Variants in RAB26 observed in about 807,000 individuals in gnomAD.
The protein encoded by RAB26 is RAB26, member RAS oncogene family, also known as ras-related protein Rab-26.
In RAB26, 39 loss-of-function variants were observed where a neutral mutation model predicts 33.1. The ratio of observed to expected loss-of-function variants is 1.18; its 90% confidence interval spans 0.91 to 1.54. RAB26 has a LOEUF of 1.54. Among genes scored for constraint, RAB26 ranks in the 40% most tolerant of loss-of-function variants. RAB26 has a pLI of 0.00. For synonymous variants in RAB26, 192 were observed against 151.9 expected (o/e 1.26, Z -1.94); for missense variants, 468 against 362.9 (o/e 1.29, Z -2.35).
At position 2,148,888 on chromosome 16, in the gene RAB26, T is replaced by C. The variant is rs2092995284; in HGVS notation, c.105T>C (p.Leu35=). Residue 35 remains leucine (L), a synonymous_variant, in exon 1 of 9, where the codon CTT becomes CTC. Coordinates refer to ENST00000210187, the MANE Select transcript of RAB26 (RefSeq NM_014353.5). ...GARPARSGTA[L]SGPDAPPNGP... is the part of the protein sequence containing the mutation. ...GACCGGCGCGCTCCGGGACTGCGCT[T>C]TCCGGCCCCGACGCGCCGCCCAACG... The C allele has an allele frequency of 1.5e-6, 2 of 1,359,644 alleles. No homozygotes were observed. The highest frequency in any genetic ancestry group is 1.9e-6 in the Non-Finnish European group (2 of 1,053,254). The allele number at this position is 1,359,644 out of a possible 1,614,324, so 84.2% of individuals were successfully genotyped here.
At chr16:2,152,679 C>CTTTTT in intron 5 of RAB26, 141 bp from the exon 6 acceptor site, 1 of 645,244 alleles carries the variant, frequency 1.5e-6, no homozygotes. Context: ...GGAAACAGGG[C>CTTTTT]GAGACTCTTG....
intron 1 of RAB26, among the ~76,000 whole-genome samples, chr16:2,149,261 A>G (rs369715502): frequency 1.5e-5 from 2 of 133,372 alleles, no homozygotes; most frequent in East Asian, 4.4e-4. Flanking sequence ...GGGTCTCACC[A>G]TTTCCCGTAT....
rs565178784 is a variant in RAB26 at position 2,150,280 on chromosome 16, G to A, written c.306+229G>A. 3.9e-5 allele frequency among the ~76,000 whole-genome samples: 6 copies of A among 152,332 alleles called. No individual in the cohort carries two copies. The East Asian group carries it at 5.8e-4, about 15-fold the overall frequency. On this transcript the variant is annotated intron_variant, in intron 2 of 8. Coordinates refer to ENST00000210187, the MANE Select transcript of RAB26 (RefSeq NM_014353.5). ...CCATATCCTGTGCCTTGGGGGAGGC[G>A]GACACTGTTGCCTACAGGGTGGTGG...
At chr16:2,151,956 C>T (rs903653054) in intron 5 of RAB26, 48 bp downstream of exon 5, 11 of 1,604,206 alleles carry the variant, frequency 6.9e-6, no homozygotes, top group Non-Finnish European at 9.4e-6. Context: ...AGGGCCTGAC[C>T]CATCCCAACC....
At chr16:2,151,135 TCTCA>T (rs1434767559) in intron 2 of RAB26, 4 of 446,798 alleles carry the variant, frequency 9.0e-6, no homozygotes, top group Non-Finnish European at 1.8e-5. Context: ...TGAAGCAGGG[TCTCA>T]CTCTGTCGCC....
chr16:2,153,933 T>G lies in RAB26; in HGVS notation c.*512T>G, dbSNP rs2093016701. On this transcript the variant is annotated 3_prime_UTR_variant, in exon 9 of 9. Coordinates refer to ENST00000210187, the MANE Select transcript of RAB26 (RefSeq NM_014353.5). The stretch of plus-strand genomic sequence containing the variant: ...GGCTCTGGCTCAAACAGCAATAGGG[T>G]CTTCCTCACTGACCTTGGAGGATGC... The G allele has an allele frequency of 2.3e-6, 1 of 426,704 alleles. No homozygotes were observed. The highest frequency in any genetic ancestry group is 2.0e-5 in the African/African-American group (1 of 49,048). 26.4% of individuals were successfully genotyped at this position (426,704 alleles called of 1,614,324 possible).
chr16:2,150,403 C>G lies in RAB26; in HGVS notation c.306+352C>G, dbSNP rs140404468. 5.3e-3 allele frequency among the ~76,000 whole-genome samples: 808 copies of G among 152,304 alleles called. 5 individuals are homozygous for G. Among genetic ancestry groups the G allele is most frequent in the African/African-American group, 0.018 (759 of 41,554 alleles). ...CTAGAAGCACATGCTCCCTGCAGAG[C>G]CTGAGCGAGGGTTTCCAGGGCTTGC... On this transcript the variant is annotated intron_variant, in intron 2 of 8. Transcript: ENST00000210187.
At position 2,153,524 on chromosome 16, in the gene RAB26, C is replaced by T. The variant is rs990105157; in HGVS notation, c.*103C>T. 1.1e-5 allele frequency: 12 copies of T among 1,069,894 alleles called. No individual in the cohort carries two copies. Among genetic ancestry groups the T allele is most frequent in the Middle Eastern group, 2.0e-4 (1 of 4,924 alleles). The allele number at this position is 1,069,894 out of a possible 1,614,324, so 66.3% of individuals were successfully genotyped here. ...ACTTTGTTGCCCAGTGGCCAACGCC[C>T]GAGTGTCTGTTTTCAGGAGCCCCAG... On this transcript the variant is annotated 3_prime_UTR_variant, in exon 9 of 9. Coordinates refer to ENST00000210187, the MANE Select transcript of RAB26 (RefSeq NM_014353.5).
In RAB26 at chr16:2,152,897, G is replaced by T. The variant is rs372849854; in HGVS notation, c.534+12G>T. 3.2e-5 allele frequency: 51 copies of T among 1,601,818 alleles called. No homozygotes were observed. Among genetic ancestry groups the T allele is most frequent in the Non-Finnish European group, 4.1e-5 (48 of 1,173,720 alleles). Reference sequence around the variant, plus strand: ...TGCTGGGGAACAAGGTGGGAGGCCCGGCTGTCCTCACCTGGGCCACAGGGC... The same window carrying T: ...TGCTGGGGAACAAGGTGGGAGGCCCTGCTGTCCTCACCTGGGCCACAGGGC... On this transcript the variant is annotated intron_variant, in intron 6 of 8. Coordinates refer to ENST00000210187, the MANE Select transcript of RAB26 (RefSeq NM_014353.5).
rs1230438572 is a variant in RAB26 at position 2,152,834 on chromosome 16, G to T, written c.483G>T (p.Glu161Asp). The change falls in exon 6 of 9, where the codon GAG becomes GAT. Residue 161 changes from glutamate to aspartate, a missense_variant. Transcript: ENST00000210187. ...SFDNIQAWLT[E>D]IHEYAQHDVA... ...GCCTCCCACAGGCCTGGCTGACCGA[G>T]ATCCACGAGTACGCCCAGCACGACG... 1 of 1,607,526 alleles carries T rather than the reference G, an allele frequency of 6.2e-7. No homozygotes were observed. Among genetic ancestry groups the T allele is most frequent in the East Asian group, 2.2e-5 (1 of 44,812 alleles).
At chr16:2,149,397 C>CT (rs2092997228) in intron 1 of RAB26, among the ~76,000 whole-genome samples, 1 of 148,184 alleles carries the variant, frequency 6.7e-6, no homozygotes, top group South Asian at 2.1e-4. Flanking sequence ...GCTGTGTGGA[C>CT]TTGGCAGGGG....
intron 4 of RAB26, 47 bp downstream of exon 4, chr16:2,151,808 CT>C: frequency 6.2e-7 from 1 of 1,613,950 alleles, no homozygotes; most frequent in Non-Finnish European, 8.5e-7. Flanking sequence ...GTCTGAGCAC[CT>C]GAGGGTGCAG....
intron 5 of RAB26, among the ~76,000 whole-genome samples, chr16:2,152,185 G>A (rs1017185487): frequency 7.9e-5 from 12 of 152,314 alleles, no homozygotes; most frequent in South Asian, 4.1e-4. Flanking sequence ...CAGGCATGGC[G>A]GCTCACCTGA....
In RAB26 at chr16:2,152,837, C is replaced by G. The variant is rs61757826; in HGVS notation, c.486C>G (p.Ile162Met). ...TCCCACAGGCCTGGCTGACCGAGAT[C>G]CACGAGTACGCCCAGCACGACGTGG... ...FDNIQAWLTE[I>M]HEYAQHDVAL... The change falls in exon 6 of 9, where the codon ATC becomes ATG. Residue 162 changes from isoleucine to methionine, a missense_variant. Transcript: ENST00000210187. 63 of 1,607,650 alleles carry G rather than the reference C, an allele frequency of 3.9e-5. No homozygotes were observed. In the African/African-American group the frequency reaches 6.5e-4, roughly 17 times the overall value.
rs768224207 is a variant in RAB26, at chr16:2,153,012, G to C, written c.558G>C (p.Val186=). 1.6e-5 allele frequency: 25 copies of C among 1,599,064 alleles called. No individual in the cohort carries two copies. Among genetic ancestry groups the C allele is most frequent in the Middle Eastern group, 1.7e-4 (1 of 6,012 alleles). Residue 186 remains valine (V), a synonymous_variant, in exon 7 of 9, where the codon GTG becomes GTC. Transcript: ENST00000210187. The part of the protein sequence containing the change: ...GNKVDSAHER[V]VKREDGEKLA... ...AGGTGGACTCTGCCCATGAGCGTGT[G>C]GTGAAGAGGGAGGACGGGGAGAAGC...
rs1204603943 is a variant in RAB26 at position 2,149,808 on chromosome 16, C to T, written c.196-133C>T. 1.5e-4 allele frequency: 92 copies of T among 613,596 alleles called. 1 individual carries two copies. The East Asian group carries it at 2.9e-3, about 20-fold the overall frequency. 38.0% of individuals were successfully genotyped at this position (613,596 alleles called of 1,614,324 possible). Reference sequence around the variant, plus strand: ...GGCATACGCTGGGTGTCCAGCCCATCGGGGTCCCTGGCCCCGCTGAGCCTG... The same window carrying T: ...GGCATACGCTGGGTGTCCAGCCCATTGGGGTCCCTGGCCCCGCTGAGCCTG... On this transcript the variant is annotated intron_variant, in intron 1 of 8. Coordinates refer to ENST00000210187, the MANE Select transcript of RAB26 (RefSeq NM_014353.5).
At chr16:2,148,607 T>G (rs1292310650), upstream of RAB26, 27 of 246,142 alleles carry the variant, frequency 1.1e-4, no homozygotes, top group South Asian at 3.6e-3. Context: ...TGCGCGCCCG[T>G]GGAGCGGCGG....
chr16:2,153,199 CT>C lies in RAB26; in HGVS notation c.647del (p.Leu216TrpfsTer6). On this transcript the variant is annotated frameshift_variant, in exon 8 of 9. Coordinates refer to ENST00000210187, the MANE Select transcript of RAB26 (RefSeq NM_014353.5). LOFTEE classifies it high-confidence loss of function. ...TSAKTGLNVD[L>X]AFTAIAKELK... Reference sequence around the variant, plus strand: ...GCGCCAAGACGGGCCTCAACGTGGACTTGGCCTTCACAGCCATAGCAAAGTA... The same window carrying C: ...GCGCCAAGACGGGCCTCAACGTGGACTGGCCTTCACAGCCATAGCAAAGTA... 1 of 1,613,830 alleles carries C rather than the reference CT, an allele frequency of 6.2e-7. No individual in the cohort carries two copies. Among genetic ancestry groups the C allele is most frequent in the Non-Finnish European group, 8.5e-7 (1 of 1,180,018 alleles).
chr16:2,152,765 G>T, intron 5 of RAB26, 55 bp from the exon 6 acceptor site: 1 of 1,529,910 alleles, frequency 6.5e-7, no homozygotes, highest in Non-Finnish European at 8.8e-7. Flanking sequence ...CCAAAGTTCT[G>T]GGGCATGGGG....
Sources: allele counts gnomAD v4.1 joint callset (sites outside exome capture counted in the v4.1 genomes callset), GRCh38; gene constraint gnomAD v4.1.1; transcripts MANE v1.5; gene names NCBI Gene and HGNC (gene_info 2026-07-23, HGNC 2026-07-21).